DSCAML1: variants seen among roughly 807,000 people sequenced by gnomAD.
The protein encoded by DSCAML1 is DS cell adhesion molecule like 1, also known as cell adhesion molecule DSCAML1.
Under a neutral mutation model 200.5 loss-of-function variants are expected in DSCAML1, and 38 were observed. That is an observed-to-expected ratio of 0.19 (90% CI 0.15 to 0.25). DSCAML1 has a LOEUF of 0.25. Ranked by LOEUF, DSCAML1 falls within the 10% of genes least tolerant of loss-of-function variation. The pLI, the probability that DSCAML1 is intolerant of heterozygous loss-of-function variation, is 1.00. For synonymous variants in DSCAML1, 1,215 were observed against 1,165.0 expected (o/e 1.04, Z -0.87); for missense variants, 2,223 against 2,858.8 (o/e 0.78, Z 5.07).
chr11:117,789,346 T>C (rs948464153), intron 1 of DSCAML1, among the ~76,000 whole-genome samples: 2 of 152,154 alleles, frequency 1.3e-5, no homozygotes, highest in Non-Finnish European at 2.9e-5. Flanking sequence ...TGGCCAAAAT[T>C]TCTTTCCAGG....
intron 27 of DSCAML1, 139 bp downstream of exon 27, chr11:117,435,505 G>T: frequency 9.9e-7 from 1 of 1,011,674 alleles, no homozygotes; most frequent in Non-Finnish European, 1.4e-6. Context: ...GTTTCAGAAA[G>T]TCTGAGTGGC....
At chr11:117,744,064 C>T (rs1278171196) in intron 3 of DSCAML1, among the ~76,000 whole-genome samples, 2 of 152,232 alleles carry the variant, frequency 1.3e-5, no homozygotes, top group Non-Finnish European at 1.5e-5. Context: ...CAGTGCCTGG[C>T]ACTGAGTAAT....
intron 3 of DSCAML1, among the ~76,000 whole-genome samples, chr11:117,542,359 A>AC (rs1426121850): frequency 0.019 from 2,804 of 146,916 alleles, 27 homozygotes; most frequent in Admixed American, 0.025. Context: ...ACAACAAAAA[A>AC]AAAACAGTGC....
At chr11:117,517,775 G>T (rs915597739) in intron 7 of DSCAML1, among the ~76,000 whole-genome samples, 1 of 152,174 alleles carries the variant, frequency 6.6e-6, no homozygotes, top group African/African-American at 2.4e-5. Context: ...GACCCCATCG[G>T]GCTACAAAGA....
intron 1 of DSCAML1, among the ~76,000 whole-genome samples, chr11:117,802,990 TAG>T (rs1460669138): frequency 6.6e-6 from 1 of 152,008 alleles, no homozygotes; most frequent in Non-Finnish European, 1.5e-5. Flanking sequence ...TGTAGAATAA[TAG>T]AGTTTAACTA....
intron 3 of DSCAML1, among the ~76,000 whole-genome samples, chr11:117,766,868 C>T (rs1048863301): frequency 4.6e-5 from 7 of 152,084 alleles, no homozygotes; most frequent in Non-Finnish European, 7.4e-5. Flanking sequence ...CAGAGCAGCC[C>T]GCCTGCTGGG....
intron 3 of DSCAML1, among the ~76,000 whole-genome samples, chr11:117,551,560 G>A (rs1056883058): frequency 1.3e-5 from 2 of 152,196 alleles, no homozygotes; most frequent in Non-Finnish European, 1.5e-5. Context: ...AGGGTAGAAA[G>A]GGAAGGGAAG....
intron 8 of DSCAML1, among the ~76,000 whole-genome samples, chr11:117,506,025 C>T (rs1303220807): frequency 6.6e-6 from 1 of 152,230 alleles, no homozygotes; most frequent in Non-Finnish European, 1.5e-5. Flanking sequence ...GATCTCTGCT[C>T]ACCTTTCCCT....
chr11:117,484,886 A>AGTGTGTGTGTGT lies in DSCAML1; in HGVS notation c.2360-2736_2360-2725dup, dbSNP rs55850829. ...TGAAGCCACAGAGAAGCAGAGGAAC[A>AGTGTGTGTGTGT]GTGTGTGTGTGTGTGTGTGTGTGTG... is the stretch of plus-strand genomic sequence containing the variant. On this transcript the variant is annotated intron_variant, in intron 11 of 32. Coordinates refer to ENST00000651296, the MANE Select transcript of DSCAML1 (RefSeq NM_020693.4). Among the ~76,000 whole-genome samples, 311 of 119,176 alleles carry AGTGTGTGTGTGT rather than the reference A, an allele frequency of 2.6e-3. 2 individuals carry two copies. Among genetic ancestry groups the AGTGTGTGTGTGT allele is most frequent in the Non-Finnish European group, 4.0e-3 (225 of 56,414 alleles). The allele number at this position is 119,176 out of a possible 152,430, so 78.2% of individuals were successfully genotyped here. A position where few individuals can be genotyped will look rare whatever the true frequency, so the allele number is the denominator to read the frequency against.
At position 117,471,806 on chromosome 11, in the gene DSCAML1, G is replaced by A. The variant is rs572316821; in HGVS notation, c.2953+63C>T. ...CTCATTGCCAGTGAACAGGATCGCTGTAGGCCCCTGGTGGTCCTGATCCCT... is the reference window on the plus strand; with the variant it reads ...CTCATTGCCAGTGAACAGGATCGCTATAGGCCCCTGGTGGTCCTGATCCCT... On this transcript the variant is annotated intron_variant, in intron 15 of 32. Coordinates refer to ENST00000651296, the MANE Select transcript of DSCAML1 (RefSeq NM_020693.4). The A allele has an allele frequency of 2.1e-4, 264 of 1,249,192 alleles. 1 individual carries two copies. The African/African-American group carries it at 5.0e-3, about 24-fold the overall frequency. 77.4% of individuals were successfully genotyped at this position (1,249,192 alleles called of 1,614,324 possible).
chr11:117,513,483 G>A (rs2049686575), intron 8 of DSCAML1, among the ~76,000 whole-genome samples: 2 of 152,328 alleles, frequency 1.3e-5, no homozygotes, highest in South Asian at 4.1e-4. Context: ...GCTCATGCCT[G>A]TAATCCCAGC....
rs1172987503 is a variant in DSCAML1 at position 117,805,464 on chromosome 11, G to A, written c.-250+11926C>T. Among the ~76,000 whole-genome samples the A allele has an allele frequency of 3.9e-5, 6 of 152,344 alleles. 1 individual carries two copies. In the South Asian group the frequency reaches 1.0e-3, roughly 26 times the overall value. On this transcript the variant is annotated intron_variant, in intron 1 of 2. Coordinates refer to the DSCAML1 transcript ENST00000525836. ...TTCATGAGAAGGTAATAGGTAAGGT[G>A]CAAAAACTGATCTATGGTCAAATAG... is the stretch of plus-strand genomic sequence containing the variant.
At chr11:117,499,078 G>A (rs2049347994) in intron 11 of DSCAML1, among the ~76,000 whole-genome samples, 1 of 152,140 alleles carries the variant, frequency 6.6e-6, no homozygotes, top group Admixed American at 6.5e-5. Context: ...TTATGCCTGG[G>A]ACTAGGCAGC....
chr11:117,723,727 C>T (rs1397698593), intron 3 of DSCAML1, among the ~76,000 whole-genome samples: 2 of 152,190 alleles, frequency 1.3e-5, no homozygotes, highest in African/African-American at 4.8e-5. Context: ...TGCCTTTCTC[C>T]CCACTTAGAG....
At chr11:117,559,801 C>T (rs1377654656) in intron 3 of DSCAML1, among the ~76,000 whole-genome samples, 2 of 152,002 alleles carry the variant, frequency 1.3e-5, no homozygotes, top group East Asian at 1.9e-4. Context: ...GAGAGACCCT[C>T]GCCCAGGGCA....
intron 19 of DSCAML1, among the ~76,000 whole-genome samples, chr11:117,458,234 C>T (rs1179316653): frequency 1.3e-5 from 2 of 152,178 alleles, no homozygotes; most frequent in African/African-American, 2.4e-5. Context: ...GGCTTTCCTC[C>T]AGTTCTGCCC....
At position 117,437,679 on chromosome 11, in the gene DSCAML1, G is replaced by A. The variant is rs999587769; in HGVS notation, c.4432+216C>T. On this transcript the variant is annotated intron_variant, in intron 25 of 32. Coordinates refer to ENST00000651296, the MANE Select transcript of DSCAML1 (RefSeq NM_020693.4). The surrounding 1 kb of genome is among the most constrained non-coding windows in gnomAD (Gnocchi z 5.3). The stretch of plus-strand genomic sequence containing the variant: ...GAAGAGGCAAAGGAATGCCACCTTC[G>A]GCCACCCGGTGGGGAAGTGGAACTA... Among the ~76,000 whole-genome samples the A allele has an allele frequency of 6.6e-5, 10 of 152,142 alleles. No homozygotes were observed. Among genetic ancestry groups the A allele is most frequent in the African/African-American group, 2.4e-4 (10 of 41,434 alleles).
At chr11:117,525,766 C>T (rs905308304) in intron 4 of DSCAML1, among the ~76,000 whole-genome samples, 4 of 152,170 alleles carry the variant, frequency 2.6e-5, no homozygotes, top group African/African-American at 9.7e-5. Context: ...AGCTCTGTCC[C>T]TGGATTCTGG....
rs528436718 is a variant in DSCAML1, at chr11:117,814,979, G to A, written c.-250+2411C>T. On this transcript the variant is annotated intron_variant, in intron 1 of 2. Transcript: ENST00000525836. ...TGGGTTTGGCACGCACTCGGTTACT[G>A]ATTGATAGGCCATTCAGGAAACAAA... 4.1e-4 allele frequency among the ~76,000 whole-genome samples: 62 copies of A among 152,342 alleles called. No homozygotes were observed. The South Asian group carries it at 0.012, about 30-fold the overall frequency.
Sources: allele counts gnomAD v4.1 joint callset (sites outside exome capture counted in the v4.1 genomes callset), GRCh38; gene constraint gnomAD v4.1.1; non-coding constraint Gnocchi (gnomAD v3.1); transcripts MANE v1.5; gene names NCBI Gene and HGNC (gene_info 2026-07-23, HGNC 2026-07-21).